Variants in PI4K2B observed in about 807,000 individuals in gnomAD.
PI4K2B encodes phosphatidylinositol 4-kinase type 2-beta.
In PI4K2B, 46 loss-of-function variants were observed where a neutral mutation model predicts 56.6. The observed-to-expected ratio is 0.81, with a 90% CI of 0.64 to 1.04. The LOEUF (loss-of-function observed/expected upper bound fraction) is 1.04, where lower values mean the gene tolerates loss of function less well. PI4K2B is among the 50% of genes least tolerant of loss of function. The pLI is 0.00. For missense variants in PI4K2B, 556 were observed against 607.7 expected (o/e 0.91, Z 0.89); for synonymous variants, 211 against 223.8 (o/e 0.94, Z 0.51).
chr4:25,259,230 A>G (rs1716365581), intron 5 of PI4K2B, 40 bp downstream of exon 5: 2 of 1,305,924 alleles, frequency 1.5e-6, no homozygotes, highest in Non-Finnish European at 2.1e-6. Flanking sequence ...AATCTTGTTC[A>G]TTTTCAAACT....
chr4:25,248,444 T>A lies in PI4K2B; in HGVS notation c.269-3877T>A, dbSNP rs75924984. ...TCCTGGTTTCTTGGAGCACCCAAAA[T>A]AAATACACAGTAGAGTAGGTGGTAA... On this transcript the variant is annotated intron_variant, in intron 1 of 9. Coordinates refer to ENST00000264864, the MANE Select transcript of PI4K2B (RefSeq NM_018323.4). Among the ~76,000 whole-genome samples the A allele has an allele frequency of 2.7e-3, 407 of 152,220 alleles. 3 individuals are homozygous for A. The highest frequency in any genetic ancestry group is 9.4e-3 in the African/African-American group (390 of 41,538).
intron 1 of PI4K2B, among the ~76,000 whole-genome samples, chr4:25,235,990 A>AT (rs924352605): frequency 6.4e-5 from 8 of 125,342 alleles, no homozygotes; most frequent in African/African-American, 1.7e-4. Flanking sequence ...CCCCATCTCT[A>AT]TAAAAAATAA....
rs1716104515 is a variant in PI4K2B, at chr4:25,252,588, CT to C, written c.423+114del. 4.9e-6 allele frequency: 4 copies of C among 820,782 alleles called. No homozygotes were observed. In the Admixed American group the frequency reaches 7.0e-5, roughly 14 times the overall value. 50.8% of individuals were successfully genotyped at this position (820,782 alleles called of 1,614,324 possible). On this transcript the variant is annotated intron_variant, in intron 2 of 9. Coordinates refer to ENST00000264864, the MANE Select transcript of PI4K2B (RefSeq NM_018323.4). ...TTTTCCTATTAAGTCTGATTGTAAC[CT>C]CTTTTCCAAAACAAAGGTCAGTTTT... is the stretch of plus-strand genomic sequence containing the variant.
intron 3 of PI4K2B, among the ~76,000 whole-genome samples, chr4:25,255,552 T>C (rs1024571206): frequency 5.3e-5 from 8 of 152,238 alleles, no homozygotes; most frequent in South Asian, 2.1e-4. Flanking sequence ...AGAGATCCTA[T>C]TGAAGGCAGA....
At chr4:25,259,961 G>T (rs571929003) in intron 5 of PI4K2B, among the ~76,000 whole-genome samples, 1 of 152,224 alleles carries the variant, frequency 6.6e-6, no homozygotes, top group East Asian at 1.9e-4. Context: ...TTGCAAGTGG[G>T]TACTGGCAGG....
intron 1 of PI4K2B, among the ~76,000 whole-genome samples, chr4:25,245,578 G>T (rs908350951): frequency 6.6e-6 from 1 of 152,178 alleles, no homozygotes; most frequent in African/African-American, 2.4e-5. Flanking sequence ...GTCTGGGGTT[G>T]TTAGAGAGCC....
intron 7 of PI4K2B, 93 bp downstream of exon 7, chr4:25,263,942 A>G (rs1716574732): frequency 8.4e-6 from 5 of 598,112 alleles, no homozygotes; most frequent in Non-Finnish European, 1.5e-5. Context: ...CGGAGGAAAA[A>G]GTAGATGAAA....
At chr4:25,264,382 T>C (rs931054795) in intron 7 of PI4K2B, among the ~76,000 whole-genome samples, 1 of 152,216 alleles carries the variant, frequency 6.6e-6, no homozygotes, top group African/African-American at 2.4e-5. Flanking sequence ...ATTAGAATTC[T>C]CTTATAATTA....
At chr4:25,259,434 G>A (rs1049348665) in intron 5 of PI4K2B, among the ~76,000 whole-genome samples, 9 of 152,070 alleles carry the variant, frequency 5.9e-5, no homozygotes, top group African/African-American at 2.2e-4. Flanking sequence ...CCTAGGGGCA[G>A]GGCAAAGTCA....
chr4:25,259,872 C>A (rs1271160393), intron 5 of PI4K2B, among the ~76,000 whole-genome samples: 2 of 152,310 alleles, frequency 1.3e-5, no homozygotes, highest in East Asian at 3.9e-4. Context: ...GGTCCCTGGA[C>A]TGTCAGGGTC....
At chr4:25,272,113 C>G (rs1039651834) in intron 9 of PI4K2B, among the ~76,000 whole-genome samples, 2 of 151,752 alleles carry the variant, frequency 1.3e-5, no homozygotes, top group Non-Finnish European at 2.9e-5. Context: ...CCACTGCACT[C>G]CAGCCTGGGC....
rs551980937 is a variant in PI4K2B at position 25,265,810 on chromosome 4, T to C, written c.1078+1961T>C. 2.0e-5 allele frequency among the ~76,000 whole-genome samples: 3 copies of C among 152,350 alleles called. No individual in the cohort carries two copies. The South Asian group carries it at 6.2e-4, about 32-fold the overall frequency. On this transcript the variant is annotated intron_variant, in intron 7 of 9. Transcript: ENST00000264864. ...ATATGGCCTATTTAGAGGATAGTATTTGAAAAGAATGAGGACAAAATTCTG... is the reference window on the plus strand; with the variant it reads ...ATATGGCCTATTTAGAGGATAGTATCTGAAAAGAATGAGGACAAAATTCTG...
At chr4:25,259,000 G>A in intron 4 of PI4K2B, 37 bp from the exon 5 acceptor site, 3 of 1,103,650 alleles carry the variant, frequency 2.7e-6, no homozygotes, top group Non-Finnish European at 4.0e-6. Flanking sequence ...CCTTGTTCTT[G>A]TACTTTCTTT....
At position 25,278,867 on chromosome 4, in the gene PI4K2B, C is replaced by T. The variant is rs1717201999; in HGVS notation, c.*1680C>T. 6.6e-6 allele frequency: 1 copy of T among 152,500 alleles called. No individual in the cohort carries two copies. The highest frequency in any genetic ancestry group is 2.1e-4 in the South Asian group (1 of 4,824). The allele number at this position is 152,500 out of a possible 1,614,324, so 9.4% of individuals were successfully genotyped here. A position where few individuals can be genotyped will look rare whatever the true frequency, so the allele number is the denominator to read the frequency against. On this transcript the variant is annotated 3_prime_UTR_variant, in exon 10 of 10. Coordinates refer to ENST00000264864, the MANE Select transcript of PI4K2B (RefSeq NM_018323.4). ...TTAATAAATTGCTACTGTTTTATAT[C>T]ATAAAATTAAAATACCATGGTAATA... is the stretch of plus-strand genomic sequence containing the variant.
At chr4:25,240,911 T>C (rs1423114265) in intron 1 of PI4K2B, among the ~76,000 whole-genome samples, 1 of 152,146 alleles carries the variant, frequency 6.6e-6, no homozygotes, top group African/African-American at 2.4e-5. Flanking sequence ...CTCTGTCTCT[T>C]CCTCTCTGTC....
intron 9 of PI4K2B, 23 bp from the exon 10 acceptor site, chr4:25,276,991 A>G: frequency 6.7e-7 from 1 of 1,496,838 alleles, no homozygotes; most frequent in Non-Finnish European, 9.0e-7. Context: ...TTAAATTGGT[A>G]AAAATCTCTC....
Position 25,252,432 on chromosome 4 carries a change from C to G in PI4K2B, c.380C>G (p.Ser127Cys). The change falls in exon 2 of 10, where the codon TCT (serine) becomes TGT (cysteine). Residue 127 changes from serine (S) to cysteine (C), a missense_variant. Coordinates refer to ENST00000264864, the MANE Select transcript of PI4K2B (RefSeq NM_018323.4). ...GTTGGAATTTTTCCAGAAAGAATCT[C>G]TCAAGGTTCAAGTGGAAGTTACTTT... ...IEVGIFPERISQGSSGSYFVK... is the reference protein window; with the variant it reads ...IEVGIFPERICQGSSGSYFVK... 1 of 1,612,182 alleles carries G rather than the reference C, an allele frequency of 6.2e-7. No individual in the cohort carries two copies. The highest frequency in any genetic ancestry group is 2.2e-5 in the East Asian group (1 of 44,856).
intron 3 of PI4K2B, among the ~76,000 whole-genome samples, chr4:25,255,937 T>A (rs1716248169): frequency 6.6e-6 from 1 of 151,752 alleles, no homozygotes; most frequent in Non-Finnish European, 1.5e-5. Context: ...TTCTTTTCTT[T>A]TTTTTGAGAC....
chr4:25,252,133 C>G (rs553301514), intron 1 of PI4K2B, among the ~76,000 whole-genome samples, 188 bp from the exon 2 acceptor site: 133 of 151,982 alleles, frequency 8.8e-4, no homozygotes, highest in Non-Finnish European at 1.4e-3. Context: ...GCCCCCGCCC[C>G]CATGTTATTA....
Sources: gnomAD v4.1 joint callset for allele counts (sites outside exome capture counted in the v4.1 genomes callset) on GRCh38, gnomAD v4.1.1 for gene constraint, MANE v1.5 for transcripts, NCBI Gene and HGNC (gene_info 2026-07-23, HGNC 2026-07-21) for gene names.